FBXL20: variants seen among roughly 807,000 people sequenced by gnomAD.
FBXL20 encodes F-box/LRR-repeat protein 20.
FBXL20 carries 11 observed loss-of-function variants against 64.0 expected under a neutral mutation model. That is an observed-to-expected ratio of 0.17 (90% CI 0.11 to 0.28). The LOEUF (loss-of-function observed/expected upper bound fraction) is 0.28. Among genes scored for constraint, FBXL20 ranks in the 10% least tolerant of loss-of-function variants. The pLI, the probability that FBXL20 is intolerant of heterozygous loss-of-function variation, is 1.00. For synonymous variants in FBXL20, 184 were observed against 189.0 expected, an observed-to-expected ratio of 0.97 and a Z score of 0.22; for missense variants, 303 against 526.2, an observed-to-expected ratio of 0.58 and a Z score of 4.15.
At chr17:39,268,266 T>G (rs752147729) in intron 12 of FBXL20, among the ~76,000 whole-genome samples, 2 of 152,106 alleles carry the variant, frequency 1.3e-5, no homozygotes, top group Non-Finnish European at 2.9e-5. Flanking sequence ...GGCAGGAGAA[T>G]TGCTTGAATC....
rs1441744593 is a variant in FBXL20, at chr17:39,260,851, G to A, written c.*609C>T. On this transcript the variant is annotated 3_prime_UTR_variant, in exon 15 of 15. Transcript: ENST00000264658. The stretch of plus-strand genomic sequence containing the variant: ...TACATTTGGACCACAGTGATTTCAA[G>A]GCAACCATTTAGGAAACCTCTGGGC... The A allele has an allele frequency of 6.4e-6, 1 of 155,380 alleles. No individual in the cohort carries two copies. The allele number at this position is 155,380 out of a possible 1,614,324, so 9.6% of individuals were successfully genotyped here.
intron 6 of FBXL20, among the ~76,000 whole-genome samples, chr17:39,290,056 T>A (rs1178198314): frequency 1.3e-5 from 2 of 151,440 alleles, no homozygotes; most frequent in African/African-American, 4.8e-5. Flanking sequence ...TATCATTTAC[T>A]TAAGTCTTTT....
At chr17:39,320,284 TA>T (rs909540086) in intron 2 of FBXL20, among the ~76,000 whole-genome samples, 11 of 152,204 alleles carry the variant, frequency 7.2e-5, no homozygotes, top group South Asian at 4.1e-4. Context: ...TAAAAATAAT[TA>T]AAAAAATATG....
At chr17:39,278,547 T>TC (rs2046920322) in intron 9 of FBXL20, among the ~76,000 whole-genome samples, 1 of 94,736 alleles carries the variant, frequency 1.1e-5, no homozygotes, top group Non-Finnish European at 2.5e-5. Flanking sequence ...AACATTCCAG[T>TC]CTTTTTTTTT....
At position 39,261,463 on chromosome 17, in the gene FBXL20, T is replaced by A. The variant is rs1320227939; in HGVS notation, c.1308A>T (p.Leu436=). The change falls in exon 15 of 15, where the codon CTA becomes CTT. Residue 436 remains leucine (L), a synonymous_variant. Transcript: ENST00000264658. ...CCAAGGTTGACCACCTCCATTGTCA[T>A]AGGATGATGCAGCATCTGCAGAAGC... ...RQRFCRCCII[L] is the part of the protein sequence containing the mutation. 1 of 1,612,776 alleles carries A rather than the reference T, an allele frequency of 6.2e-7. No individual in the cohort carries two copies. The highest frequency in any genetic ancestry group is 1.7e-5 in the Admixed American group (1 of 60,022).
intron 1 of FBXL20, among the ~76,000 whole-genome samples, chr17:39,398,679 G>GC (rs2048211233): frequency 6.8e-6 from 1 of 146,210 alleles, no homozygotes; most frequent in Admixed American, 6.8e-5. Flanking sequence ...GTTGTTTTTT[G>GC]TTTTTTTTTT....
intron 6 of FBXL20, among the ~76,000 whole-genome samples, chr17:39,292,875 C>G (rs1049729676): frequency 6.6e-6 from 1 of 151,550 alleles, no homozygotes; most frequent in Non-Finnish European, 1.5e-5. Flanking sequence ...ACTGTGCAAC[C>G]TCCGCCTCCC....
intron 1 of FBXL20, among the ~76,000 whole-genome samples, chr17:39,376,031 A>G (rs1369616694): frequency 6.6e-6 from 1 of 152,160 alleles, no homozygotes; most frequent in Non-Finnish European, 1.5e-5. Context: ...AGGCAGAAGA[A>G]GAGCTTGAAC....
intron 1 of FBXL20, among the ~76,000 whole-genome samples, chr17:39,389,429 C>T (rs1020969703): frequency 6.6e-6 from 1 of 152,054 alleles, no homozygotes; most frequent in South Asian, 2.1e-4. Context: ...GGACGAATGT[C>T]GGGAAAGGGT....
chr17:39,402,266 CGCCGCGCCTCCGCGGTT>C (rs973804849), upstream of FBXL20: 13 of 1,070,378 alleles, frequency 1.2e-5, no homozygotes, highest in African/African-American at 4.8e-4. Flanking sequence ...GTGCGGCTGC[CGCCGCGCCTCCGCGGTT>C]GCCGCCGCCG....
At chr17:39,278,097 A>G (rs1396495477) in intron 9 of FBXL20, among the ~76,000 whole-genome samples, 7 of 152,172 alleles carry the variant, frequency 4.6e-5, no homozygotes, top group Admixed American at 2.6e-4. Flanking sequence ...GTATGTATAG[A>G]GTGTGTAAAT....
intron 6 of FBXL20, among the ~76,000 whole-genome samples, chr17:39,292,902 C>T (rs1051788427): frequency 1.3e-5 from 2 of 150,950 alleles, no homozygotes; most frequent in Non-Finnish European, 2.9e-5. Flanking sequence ...AAGCAATTCT[C>T]CTGCCTCAGC....
intron 1 of FBXL20, among the ~76,000 whole-genome samples, chr17:39,387,057 C>A (rs975510435): frequency 6.6e-6 from 1 of 152,302 alleles, no homozygotes; most frequent in African/African-American, 2.4e-5. Context: ...CAATGGTGTA[C>A]ACGTAATATG....
At chr17:39,379,505 A>C (rs1298273304) in intron 1 of FBXL20, among the ~76,000 whole-genome samples, 1 of 141,934 alleles carries the variant, frequency 7.0e-6, no homozygotes, top group African/African-American at 2.8e-5. Context: ...AAAACTGGCC[A>C]GGCACAGTGG....
chr17:39,328,269 A>G (rs2047428186), intron 2 of FBXL20, among the ~76,000 whole-genome samples: 1 of 142,784 alleles, frequency 7.0e-6, no homozygotes, highest in Admixed American at 7.5e-5. Flanking sequence ...AAAAAAAAAA[A>G]AAAAAAAGAC....
At chr17:39,296,183 T>C (rs992144174) in intron 6 of FBXL20, among the ~76,000 whole-genome samples, 3 of 152,178 alleles carry the variant, frequency 2.0e-5, no homozygotes, top group African/African-American at 7.2e-5. Flanking sequence ...AATGTAGTTC[T>C]ACTGGTATAA....
chr17:39,316,165 A>G (rs1190937331), intron 2 of FBXL20, among the ~76,000 whole-genome samples: 4 of 152,204 alleles, frequency 2.6e-5, no homozygotes, highest in Non-Finnish European at 5.9e-5. Context: ...GGAGAAAACT[A>G]GACTAAATTA....
intron 2 of FBXL20, among the ~76,000 whole-genome samples, chr17:39,327,398 G>A (rs1413821997): frequency 6.6e-6 from 1 of 152,082 alleles, no homozygotes; most frequent in Non-Finnish European, 1.5e-5. Context: ...AACATATTAT[G>A]GAGTTATATT....
chr17:39,397,824 G>T (rs529244326), intron 1 of FBXL20, among the ~76,000 whole-genome samples: 21 of 149,830 alleles, frequency 1.4e-4, no homozygotes, highest in Middle Eastern at 3.4e-3. Context: ...TGCTAGTCAT[G>T]CTAAAAAAAA....
Sources: gnomAD v4.1 joint callset for allele counts (sites outside exome capture counted in the v4.1 genomes callset) on GRCh38, gnomAD v4.1.1 for gene constraint, MANE v1.5 for transcripts, NCBI Gene and HGNC (gene_info 2026-07-23, HGNC 2026-07-21) for gene names.